The following PRRC2C variants were observed in gnomAD, a reference collection of about 807,000 sequenced individuals.
The protein encoded by PRRC2C is proline rich coiled-coil 2C.
Under a neutral mutation model 317.2 loss-of-function variants are expected in PRRC2C, and 72 were observed. The ratio of observed to expected loss-of-function variants is 0.23; its 90% confidence interval spans 0.19 to 0.28. The LOEUF is 0.28. Ranked by LOEUF, PRRC2C falls within the 10% of genes least tolerant of loss-of-function variation. The probability of loss-of-function intolerance (pLI) is 1.00; values close to 1 mark genes in which losing one functional copy is unlikely to be tolerated. For missense variants in PRRC2C, 3,074 were observed against 3,459.7 expected (o/e 0.89, Z 2.80); for synonymous variants, 1,296 against 1,205.9 (o/e 1.07, Z -1.55).
At chr1:171,508,787 T>A (rs1383386879) in intron 1 of PRRC2C, among the ~76,000 whole-genome samples, 3 of 152,262 alleles carry the variant, frequency 2.0e-5, no homozygotes, top group African/African-American at 7.2e-5. Context: ...GCTTTACTCT[T>A]TGGGCTGCTT....
chr1:171,512,813 T>C (rs1671629458), intron 2 of PRRC2C, 182 bp from the exon 3 acceptor site: 1 of 525,306 alleles, frequency 1.9e-6, no homozygotes, highest in African/African-American at 2.0e-5. Flanking sequence ...GTTAAATGGC[T>C]TGATTTCTAC....
chr1:171,567,875 A>G (rs1386175127), intron 22 of PRRC2C, among the ~76,000 whole-genome samples: 1 of 152,166 alleles, frequency 6.6e-6, no homozygotes, highest in African/African-American at 2.4e-5. Flanking sequence ...CTTTACAACT[A>G]TTAGGCTATC....
chr1:171,527,627 A>G (rs1380344341), intron 10 of PRRC2C, among the ~76,000 whole-genome samples, 164 bp from the exon 11 acceptor site: 1 of 152,046 alleles, frequency 6.6e-6, no homozygotes, highest in African/African-American at 2.4e-5. Flanking sequence ...GTGGTGGCAG[A>G]CGCCTGTAAT....
chr1:171,541,557 C>T lies in PRRC2C; in HGVS notation c.4091C>T (p.Pro1364Leu), dbSNP rs2102498529. 1 of 1,613,746 alleles carries T rather than the reference C, an allele frequency of 6.2e-7. No individual in the cohort carries two copies. The highest frequency in any genetic ancestry group is 1.1e-5 in the South Asian group (1 of 91,056). The part of the protein sequence containing the change: ...GRDPGGRPSR[P>L]STLRRPAYRD... ...GATCCTGGAGGCCGTCCATCACGCC[C>T]TTCCACTTTACGAAGACCAGCTTAT... is the stretch of plus-strand genomic sequence containing the variant. Residue 1364 changes from proline (P) to leucine (L), a missense_variant, in exon 16 of 35, where the codon CCT (proline) becomes CTT (leucine). Pro to Leu is a moderately conservative substitution (Grantham distance 98, BLOSUM62 -3). This residue lies in a region of PRRC2C where 1,320 missense variants were observed against 1,395.7 expected (regional missense o/e 0.95). Transcript: ENST00000647382. This position sits in a 1 kb window ranked among gnomAD's most constrained non-coding sequence, Gnocchi z 4.1.
rs565628264 is a variant in PRRC2C, at chr1:171,554,221, A to T, written c.5128-3019A>T. 2.6e-5 allele frequency among the ~76,000 whole-genome samples: 4 copies of T among 152,248 alleles called. 1 individual carries two copies. The highest frequency in any genetic ancestry group is 9.6e-5 in the African/African-American group (4 of 41,532). On this transcript the variant is annotated intron_variant, in intron 18 of 34. Coordinates refer to ENST00000647382, the MANE Select transcript of PRRC2C (RefSeq NM_001387844.1). ...TGAATTGATCCCTTTACCGTTATGT[A>T]ATGGTCTTCTTTGTCTCTTTTGATC...
intron 10 of PRRC2C, 76 bp downstream of exon 10, chr1:171,525,041 T>A: frequency 8.2e-7 from 1 of 1,223,398 alleles, no homozygotes; most frequent in Non-Finnish European, 1.1e-6. Context: ...CTATGGATAA[T>A]TATTCTTACC....
Position 171,586,063 on chromosome 1 carries a change from A to ATTTTTTTTTTTT in PRRC2C, c.7750-930_7750-919dup, listed in dbSNP as rs920423722. The stretch of plus-strand genomic sequence containing the variant: ...ATCCGTCGCAGGAGGTCAGGTGTTG[A>ATTTTTTTTTTTT]TTTTTTTTTTTTTTTTTTTTTGAGA... On this transcript the variant is annotated intron_variant, in intron 30 of 34. Coordinates refer to ENST00000647382, the MANE Select transcript of PRRC2C (RefSeq NM_001387844.1). Among the ~76,000 whole-genome samples, 162 of 83,024 alleles carry ATTTTTTTTTTTT rather than the reference A, an allele frequency of 2.0e-3. 29 individuals carry two copies. The highest frequency in any genetic ancestry group is 4.6e-3 in the African/African-American group (97 of 21,198). The allele number at this position is 83,024 out of a possible 152,430, so 54.5% of individuals were successfully genotyped here. A position where few individuals can be genotyped will look rare whatever the true frequency, so the allele number is the denominator to read the frequency against.
intron 26 of PRRC2C, among the ~76,000 whole-genome samples, chr1:171,577,985 C>T (rs1254356281): frequency 1.5e-5 from 2 of 137,830 alleles, no homozygotes; most frequent in Admixed American, 7.7e-5. Context: ...TTGGTAGAGA[C>T]GGGTTTTACC....
intron 17 of PRRC2C, among the ~76,000 whole-genome samples, chr1:171,546,019 C>CTTAG (rs112849821): frequency 0.81 from 122,088 of 151,634 alleles, 49,261 homozygotes; most frequent in Middle Eastern, 0.9. Flanking sequence ...AAATTTGATT[C>CTTAG]TTAGTTATAT....
intron 2 of PRRC2C, 116 bp from the exon 3 acceptor site, chr1:171,512,879 A>T (rs958997692): frequency 1.1e-6 from 1 of 917,104 alleles, no homozygotes; most frequent in Admixed American, 3.3e-5. Flanking sequence ...TTTAAAATAC[A>T]TGAATGAAAA....
chr1:171,526,051 A>G (rs990802020), intron 10 of PRRC2C, among the ~76,000 whole-genome samples: 38 of 152,348 alleles, frequency 2.5e-4, no homozygotes, highest in African/African-American at 9.1e-4. Flanking sequence ...ACTTATTGGC[A>G]TAATGGGGAA....
rs546911870 is a variant in PRRC2C, at chr1:171,529,687, A to G, written c.1254+1843A>G. On this transcript the variant is annotated intron_variant, in intron 11 of 34. Coordinates refer to ENST00000647382, the MANE Select transcript of PRRC2C (RefSeq NM_001387844.1). Reference sequence around the variant, plus strand: ...CCTGCTCACTTGCCACCTTCATCCCATATTCTTCTGTAGTAGTTGTTGTCT... The same window carrying G: ...CCTGCTCACTTGCCACCTTCATCCCGTATTCTTCTGTAGTAGTTGTTGTCT... Among the ~76,000 whole-genome samples, 10 of 152,088 alleles carry G rather than the reference A, an allele frequency of 6.6e-5. No individual in the cohort carries two copies. The East Asian group carries it at 1.7e-3, about 26-fold the overall frequency.
At chr1:171,495,183 A>G (rs1468827152) in intron 1 of PRRC2C, among the ~76,000 whole-genome samples, 1 of 152,224 alleles carries the variant, frequency 6.6e-6, no homozygotes, top group Admixed American at 6.5e-5. Context: ...AAATCTGTGC[A>G]TTAGATTTCT....
At chr1:171,518,425 G>T (rs80104959) in intron 6 of PRRC2C, among the ~76,000 whole-genome samples, 2,105 of 131,636 alleles carry the variant, frequency 0.016, 55 homozygotes, top group African/African-American at 0.056. Flanking sequence ...AAGAACACTT[G>T]CCGTAGTTTC....
chr1:171,505,348 A>T (rs565621409), intron 1 of PRRC2C, among the ~76,000 whole-genome samples: 2 of 152,176 alleles, frequency 1.3e-5, no homozygotes, highest in South Asian at 2.1e-4. Context: ...TTTTATTGCT[A>T]TTACAAATGG....
At chr1:171,506,095 C>G (rs1308752306) in intron 1 of PRRC2C, among the ~76,000 whole-genome samples, 5 of 152,168 alleles carry the variant, frequency 3.3e-5, no homozygotes, top group African/African-American at 1.2e-4. Context: ...CAGGGTTTCA[C>G]CATTTTGGCT....
At chr1:171,565,742 G>A (rs1205174053) in intron 20 of PRRC2C, among the ~76,000 whole-genome samples, 5 of 152,112 alleles carry the variant, frequency 3.3e-5, no homozygotes, top group Admixed American at 2.0e-4. Context: ...CACCATACCC[G>A]GCCCAAATTA....
intron 24 of PRRC2C, among the ~76,000 whole-genome samples, 176 bp from the exon 25 acceptor site, chr1:171,574,751 A>C (rs572898962): frequency 7.9e-5 from 12 of 152,314 alleles, no homozygotes; most frequent in East Asian, 5.8e-4. Flanking sequence ...TAAAGAGGCA[A>C]ATGGAAAGTC....
rs1677738847 is a variant in PRRC2C, at chr1:171,540,343, A to C, written c.2877A>C (p.Lys959Asn). The C allele has an allele frequency of 6.2e-7, 1 of 1,613,208 alleles. No homozygotes were observed. Among genetic ancestry groups the C allele is most frequent in the South Asian group, 1.1e-5 (1 of 90,936 alleles). The change falls in exon 16 of 35, where the codon AAA (lysine) becomes AAC (asparagine). Residue 959 changes from lysine to asparagine, a missense_variant. This residue lies in a region of PRRC2C where 1,320 missense variants were observed against 1,395.7 expected (regional missense o/e 0.95). Transcript: ENST00000647382. ...TAACCAGCAGATGCATTGATTCAAAAGAACCAATAGAAAGGCCAGAGGAGA... is the reference window on the plus strand; with the variant it reads ...TAACCAGCAGATGCATTGATTCAAACGAACCAATAGAAAGGCCAGAGGAGA... ...PKVTSRCIDS[K>N]EPIERPEEKP...
Sources: allele counts gnomAD v4.1 joint callset (sites outside exome capture counted in the v4.1 genomes callset), GRCh38; gene constraint gnomAD v4.1.1; regional missense constraint gnomAD v4.1.1; non-coding constraint Gnocchi (gnomAD v3.1); transcripts MANE v1.5; gene names NCBI Gene and HGNC (gene_info 2026-07-23, HGNC 2026-07-21).